Variants in SYT16 observed in about 807,000 individuals in gnomAD.
The protein encoded by SYT16 is synaptotagmin-16.
Under a neutral mutation model 61.4 loss-of-function variants are expected in SYT16, and 42 were observed. That is an observed-to-expected ratio of 0.68 (90% CI 0.53 to 0.89). SYT16 has a LOEUF of 0.89. SYT16 is among the 40% of genes least tolerant of loss of function. The pLI is 0.00. For missense variants in SYT16, 804 were observed against 807.3 expected (o/e 1.00, Z 0.05); for synonymous variants, 314 against 302.3 (o/e 1.04, Z -0.40).
chr14:61,881,375 C>T (rs1268330530), intron 1 of SYT16, among the ~76,000 whole-genome samples: 2 of 152,188 alleles, frequency 1.3e-5, no homozygotes, highest in Non-Finnish European at 1.5e-5. Context: ...GTACAGTTTT[C>T]TTTTCAACTC....
At chr14:61,830,681 C>T (rs1462270469) in intron 1 of SYT16, among the ~76,000 whole-genome samples, 1 of 152,176 alleles carries the variant, frequency 6.6e-6, no homozygotes, top group African/African-American at 2.4e-5. Flanking sequence ...GGTGTTGCCT[C>T]TTGCTGTCCT....
intron 3 of SYT16, among the ~76,000 whole-genome samples, chr14:62,000,000 GA>G (rs1407055983): frequency 6.7e-6 from 1 of 149,272 alleles, no homozygotes; most frequent in African/African-American, 2.5e-5. Flanking sequence ...ATGTGCACTT[GA>G]AAAGATTGTA....
chr14:62,020,460 TA>T (rs2053867961), intron 3 of SYT16, among the ~76,000 whole-genome samples: 1 of 152,218 alleles, frequency 6.6e-6, no homozygotes, highest in African/African-American at 2.4e-5. Flanking sequence ...GAATAGTTCC[TA>T]AAGTTACCCA....
At chr14:62,053,750 A>G (rs2055414110) in intron 3 of SYT16, among the ~76,000 whole-genome samples, 1 of 152,244 alleles carries the variant, frequency 6.6e-6, no homozygotes, top group Non-Finnish European at 1.5e-5. Context: ...TGTAAATAAG[A>G]AAATAATAGA....
chr14:62,099,739 A>G (rs1215695165), intron 7 of SYT16, among the ~76,000 whole-genome samples: 1 of 152,130 alleles, frequency 6.6e-6, no homozygotes, highest in Admixed American at 6.5e-5. Flanking sequence ...TTAGCTGGGC[A>G]TGATGGTGCA....
chr14:61,858,872 T>TTTTTTA, intron 1 of SYT16, among the ~76,000 whole-genome samples: 4 of 149,990 alleles, frequency 2.7e-5, no homozygotes, highest in African/African-American at 9.8e-5. Flanking sequence ...TTTTTTTTTT[T>TTTTTTA]GAGACGGAGT....
chr14:61,963,534 A>G (rs1008783720), intron 1 of SYT16, among the ~76,000 whole-genome samples: 1 of 152,200 alleles, frequency 6.6e-6, no homozygotes, highest in Non-Finnish European at 1.5e-5. Context: ...GAGAGAGGTC[A>G]GGAAGCTGCA....
chr14:61,892,000 G>A (rs1393863452), intron 1 of SYT16, among the ~76,000 whole-genome samples: 1 of 152,078 alleles, frequency 6.6e-6, no homozygotes, highest in East Asian at 1.9e-4. Context: ...ATCCAGGGGC[G>A]AGGCTGACTG....
intron 1 of SYT16, among the ~76,000 whole-genome samples, chr14:61,886,912 C>CTTTTTTTTTA (rs2047930727): frequency 9.8e-6 from 1 of 101,888 alleles, no homozygotes; most frequent in African/African-American, 3.9e-5. Flanking sequence ...TTTTTTTTTT[C>CTTTTTTTTTA]CTTTTTATGG....
intron 1 of SYT16, among the ~76,000 whole-genome samples, chr14:61,936,280 A>T (rs930764847): frequency 2.6e-5 from 4 of 152,164 alleles, no homozygotes; most frequent in Non-Finnish European, 1.5e-5. Flanking sequence ...TTCCATAGCA[A>T]TGCATGAGGA....
At chr14:62,072,560 C>T (rs10135922) in intron 4 of SYT16, among the ~76,000 whole-genome samples, 22 of 152,082 alleles carry the variant, frequency 1.4e-4, no homozygotes, top group East Asian at 3.9e-4. Context: ...TTTCTTCTCC[C>T]GGGAACTTCA....
intron 2 of SYT16, among the ~76,000 whole-genome samples, chr14:61,983,365 G>A (rs914677149): frequency 6.6e-6 from 1 of 152,012 alleles, no homozygotes; most frequent in Non-Finnish European, 1.5e-5. Context: ...TGTTATTTTG[G>A]GCACTTTGAG....
intron 7 of SYT16, among the ~76,000 whole-genome samples, chr14:62,087,377 G>A (rs927051164): frequency 2.0e-5 from 3 of 152,196 alleles, no homozygotes; most frequent in Non-Finnish European, 2.9e-5. Flanking sequence ...CCACAGGGTC[G>A]CCGCCGGCCA....
intron 1 of SYT16, among the ~76,000 whole-genome samples, chr14:61,968,832 T>G (rs2051424747): frequency 6.6e-6 from 1 of 152,216 alleles, no homozygotes; most frequent in Non-Finnish European, 1.5e-5. Flanking sequence ...GTACTGCTTC[T>G]GAAGGGAGAG....
intron 3 of SYT16, among the ~76,000 whole-genome samples, chr14:62,022,625 C>T (rs995400274): frequency 1.3e-5 from 2 of 151,890 alleles, no homozygotes; most frequent in Non-Finnish European, 2.9e-5. Flanking sequence ...ATTACACACA[C>T]ACACACACAC....
intron 2 of SYT16, among the ~76,000 whole-genome samples, chr14:61,990,227 G>A (rs1247840765): frequency 4.6e-5 from 7 of 152,232 alleles, no homozygotes; most frequent in South Asian, 2.1e-4. Context: ...TATGCAAAAT[G>A]TCTTTCTCCA....
At chr14:62,048,242 A>T (rs1333873157) in intron 3 of SYT16, among the ~76,000 whole-genome samples, 1 of 152,182 alleles carries the variant, frequency 6.6e-6, no homozygotes, top group Non-Finnish European at 1.5e-5. Flanking sequence ...CATTTCTTCT[A>T]GATTTTCTAG....
chr14:61,890,546 A>G (rs1459252347), intron 1 of SYT16, among the ~76,000 whole-genome samples: 1 of 151,720 alleles, frequency 6.6e-6, no homozygotes, highest in African/African-American at 2.4e-5. Context: ...TAGAACAAAC[A>G]ATTTTTACTT....
intron 3 of SYT16, among the ~76,000 whole-genome samples, chr14:62,039,897 T>C (rs2054659670): frequency 6.7e-6 from 1 of 149,728 alleles, no homozygotes; most frequent in Non-Finnish European, 1.5e-5. Context: ...ACACTAGATT[T>C]TACTGACTCA....
Sources: gnomAD v4.1 joint callset for allele counts (sites outside exome capture counted in the v4.1 genomes callset) on GRCh38, gnomAD v4.1.1 for gene constraint, MANE v1.5 for transcripts, NCBI Gene and HGNC (gene_info 2026-07-23, HGNC 2026-07-21) for gene names.